Variants in FAM13A observed in about 807,000 individuals in gnomAD.
The protein encoded by FAM13A is protein FAM13A.
Under a neutral mutation model 129.6 loss-of-function variants are expected in FAM13A, and 76 were observed. The ratio of observed to expected loss-of-function variants is 0.59; its 90% CI spans 0.49 to 0.71. The LOEUF is 0.71. Ranked by LOEUF, FAM13A falls within the 30% of genes least tolerant of loss-of-function variation. FAM13A has a pLI of 0.00. For synonymous variants in FAM13A, 443 were observed against 449.9 expected (o/e 0.98, Z 0.20); for missense variants, 1,108 against 1,249.3 (o/e 0.89, Z 1.70).
intron 6 of FAM13A, among the ~76,000 whole-genome samples, chr4:88,893,493 G>A (rs142107164): frequency 6.6e-6 from 1 of 152,218 alleles, no homozygotes; most frequent in African/African-American, 2.4e-5. Context: ...CGTGGTGGCG[G>A]GCGCCTGTAG....
At chr4:88,839,453 T>G (rs1735420899) in intron 7 of FAM13A, among the ~76,000 whole-genome samples, 1 of 152,208 alleles carries the variant, frequency 6.6e-6, no homozygotes, top group South Asian at 2.1e-4. Context: ...GCTTACAATC[T>G]CATGGAATAG....
intron 4 of FAM13A, among the ~76,000 whole-genome samples, chr4:88,973,295 T>C (rs2704577): frequency 0.69 from 105,249 of 151,876 alleles, 36,587 homozygotes; most frequent in Middle Eastern, 0.79. Flanking sequence ...GTATGTTATA[T>C]CTTTTACAAT....
At chr4:89,010,512 G>A (rs1051738293) in intron 3 of FAM13A, among the ~76,000 whole-genome samples, 1 of 152,188 alleles carries the variant, frequency 6.6e-6, no homozygotes, top group Admixed American at 6.5e-5. Context: ...GGTCTGAGGA[G>A]CTGAAGCACT....
chr4:89,045,058 G>C (rs1770670730), intron 1 of FAM13A, among the ~76,000 whole-genome samples: 1 of 152,018 alleles, frequency 6.6e-6, no homozygotes, highest in South Asian at 2.1e-4. Flanking sequence ...ATCTAAAATG[G>C]TTAAAATAGT....
At chr4:88,895,435 A>C (rs1182822016) in intron 6 of FAM13A, among the ~76,000 whole-genome samples, 2 of 151,398 alleles carry the variant, frequency 1.3e-5, no homozygotes, top group African/African-American at 2.4e-5. Context: ...TAATTAAACT[A>C]AAGAGCTTCT....
chr4:89,022,156 C>G (rs1225792075), intron 2 of FAM13A, among the ~76,000 whole-genome samples: 3 of 152,090 alleles, frequency 2.0e-5, no homozygotes. Context: ...TTATATCAGC[C>G]TTTGCTTCTT....
intron 3 of FAM13A, among the ~76,000 whole-genome samples, chr4:88,992,197 A>G (rs1359305136): frequency 1.3e-5 from 2 of 152,150 alleles, no homozygotes; most frequent in Non-Finnish European, 2.9e-5. Flanking sequence ...CCCTCTAGCT[A>G]TCATAATAGT....
At position 88,731,449 on chromosome 4, in the gene FAM13A, C is replaced by A. The variant is rs753156152; in HGVS notation, c.2844-21G>T. 27 of 1,411,018 alleles carry A rather than the reference C, an allele frequency of 1.9e-5. 1 individual carries two copies. The highest frequency in any genetic ancestry group is 1.8e-4 in the South Asian group (15 of 84,446). 87.4% of individuals were successfully genotyped at this position (1,411,018 alleles called of 1,614,324 possible). A position where few individuals can be genotyped will look rare whatever the true frequency, so the allele number is the denominator to read the frequency against. ...CAGGTCTAAGAGAGAGGAAGCATTG[C>A]AAGGAAATTAAGTTAAATTTGAGTT... On this transcript the variant is annotated intron_variant, in intron 22 of 23. Transcript: ENST00000264344.
intron 11 of FAM13A, among the ~76,000 whole-genome samples, chr4:88,778,751 A>G (rs1722271588): frequency 6.6e-6 from 1 of 152,206 alleles, no homozygotes; most frequent in Admixed American, 6.5e-5. Context: ...AGAATAAAGG[A>G]GGGGTCCTTA....
chr4:89,006,620 C>G (rs975623012), intron 3 of FAM13A, among the ~76,000 whole-genome samples: 2 of 152,178 alleles, frequency 1.3e-5, no homozygotes, highest in African/African-American at 2.4e-5. Flanking sequence ...CCATGGACGG[C>G]TAAGTGTTAA....
chr4:88,959,877 A>G (rs1439605916), intron 4 of FAM13A, among the ~76,000 whole-genome samples: 1 of 152,094 alleles, frequency 6.6e-6, no homozygotes, highest in Non-Finnish European at 1.5e-5. Context: ...TACCACAATA[A>G]TTTCACTAGG....
chr4:88,909,829 T>C (rs1316676421), intron 5 of FAM13A, among the ~76,000 whole-genome samples: 6 of 152,172 alleles, frequency 3.9e-5, no homozygotes. Context: ...AATTAGGTAA[T>C]GGTGATGATT....
At chr4:88,742,619 T>C (rs1221038154) in intron 19 of FAM13A, among the ~76,000 whole-genome samples, 2 of 152,208 alleles carry the variant, frequency 1.3e-5, no homozygotes, top group African/African-American at 4.8e-5. Flanking sequence ...CTTTTACCCA[T>C]CATAATAATG....
intron 1 of FAM13A, among the ~76,000 whole-genome samples, chr4:89,031,475 T>C (rs1397313437): frequency 1.3e-5 from 2 of 152,164 alleles, no homozygotes; most frequent in Non-Finnish European, 2.9e-5. Flanking sequence ...CTCAATTTCC[T>C]CATCTATAAA....
rs555648255 is a variant in FAM13A at position 88,973,733 on chromosome 4, G to A, written c.605+17240C>T. Among the ~76,000 whole-genome samples, 10 of 152,180 alleles carry A rather than the reference G, an allele frequency of 6.6e-5. No homozygotes were observed. In the East Asian group the frequency reaches 1.9e-3, roughly 29 times the overall value. ...TCATGATGGCTGGACATGATGTACT[G>A]GGTAAAGGGAACTGCTGTAAATTGG... On this transcript the variant is annotated intron_variant, in intron 4 of 23. Transcript: ENST00000264344.
intron 4 of FAM13A, among the ~76,000 whole-genome samples, chr4:88,945,990 G>GTGTGTGTGTATATATATA: frequency 1.5e-3 from 91 of 61,860 alleles, no homozygotes; most frequent in African/African-American, 2.6e-3. Flanking sequence ...GTGTGTGTGT[G>GTGTGTGTGTATATATATA]TATATATATA....
intron 5 of FAM13A, among the ~76,000 whole-genome samples, chr4:88,932,833 A>G (rs1161886106): frequency 6.6e-6 from 1 of 152,192 alleles, no homozygotes; most frequent in African/African-American, 2.4e-5. Context: ...CCATTCTAAT[A>G]TTTTGCTTTG....
At chr4:88,816,370 TC>T (rs767214914) in intron 7 of FAM13A, among the ~76,000 whole-genome samples, 5 of 152,178 alleles carry the variant, frequency 3.3e-5, no homozygotes, top group South Asian at 2.1e-4. Context: ...ATAAGAATAT[TC>T]CTAGCAATTT....
intron 6 of FAM13A, among the ~76,000 whole-genome samples, chr4:88,887,826 C>A (rs927718152): frequency 3.3e-5 from 5 of 152,154 alleles, no homozygotes; most frequent in Admixed American, 1.3e-4. Context: ...AGCCACCGTG[C>A]CTGGTCCATA....
Sources: allele counts gnomAD v4.1 joint callset (sites outside exome capture counted in the v4.1 genomes callset), GRCh38; gene constraint gnomAD v4.1.1; transcripts MANE v1.5; gene names NCBI Gene and HGNC (gene_info 2026-07-23, HGNC 2026-07-21).